Variants in RGPD4 observed in about 807,000 individuals in gnomAD.
The protein encoded by RGPD4 is ranBP2-like and GRIP domain-containing protein 4.
A neutral mutation model predicts 141.1 loss-of-function variants in RGPD4; 84 were observed. The ratio of observed to expected loss-of-function variants is 0.60; its 90% CI spans 0.50 to 0.71. The LOEUF (loss-of-function observed/expected upper bound fraction) is 0.71. Ranked by LOEUF, RGPD4 falls within the 30% of genes least tolerant of loss-of-function variation. The pLI, the probability that RGPD4 is intolerant of heterozygous loss-of-function variation, is 0.00. For missense variants in RGPD4, 918 were observed against 1,622.4 expected, an observed-to-expected ratio of 0.57 and a Z score of 7.46; for synonymous variants, 298 against 566.8, an observed-to-expected ratio of 0.53 and a Z score of 6.74.
chr2:107,846,287 C>T (rs1311595333), intron 6 of RGPD4, among the ~76,000 whole-genome samples: 1 of 151,116 alleles, frequency 6.6e-6, no homozygotes, highest in Non-Finnish European at 1.5e-5. Context: ...TGGAAGGTCT[C>T]AATCTCTTGA....
At chr2:107,858,418 C>A (rs1276221220) in intron 9 of RGPD4, among the ~76,000 whole-genome samples, 6 of 151,310 alleles carry the variant, frequency 4.0e-5, no homozygotes, top group Non-Finnish European at 7.4e-5. Context: ...CTTTTCTTTT[C>A]TTTTCTTTTC....
intron 20 of RGPD4, among the ~76,000 whole-genome samples, chr2:107,873,574 C>CAAAAAA (rs3053241): frequency 8.0e-6 from 1 of 125,422 alleles, no homozygotes. Flanking sequence ...ACTTTGTCTC[C>CAAAAAA]AAAAAAAAAA....
At position 107,877,821 on chromosome 2, in the gene RGPD4, T is replaced by C. The variant is rs139668835; in HGVS notation, c.4925-2147T>C. Among the ~76,000 whole-genome samples the C allele has an allele frequency of 6.4e-3, 979 of 151,826 alleles. 4 individuals are homozygous for C. Among genetic ancestry groups the C allele is most frequent in the Non-Finnish European group, 0.01 (698 of 67,962 alleles). On this transcript the variant is annotated intron_variant, in intron 20 of 22. Coordinates refer to ENST00000408999, the MANE Select transcript of RGPD4 (RefSeq NM_182588.3). Reference sequence around the variant, plus strand: ...TGATGACTAAGGTTTTTTTTGTTTGTTTTTTTGTTTTGAGCTGGAATCTCG... The same window carrying C: ...TGATGACTAAGGTTTTTTTTGTTTGCTTTTTTGTTTTGAGCTGGAATCTCG...
chr2:107,885,538 G>T (rs949001341), intron 22 of RGPD4, among the ~76,000 whole-genome samples: 1 of 152,088 alleles, frequency 6.6e-6, no homozygotes, highest in East Asian at 1.9e-4. Context: ...TATTTTTAAA[G>T]AATTTCATAG....
At chr2:107,867,134 GAGCCGAGATTCACACTCC>G (rs2104479352) in intron 18 of RGPD4, among the ~76,000 whole-genome samples, 1 of 145,292 alleles carries the variant, frequency 6.9e-6, no homozygotes, top group South Asian at 2.3e-4. Flanking sequence ...GTTATTGATA[GAGCCGAGATTCACACTCC>G]AGTGGTGTAA....
chr2:107,857,386 G>A (rs1376947646), intron 9 of RGPD4, among the ~76,000 whole-genome samples: 2 of 150,298 alleles, frequency 1.3e-5, no homozygotes, highest in Non-Finnish European at 3.0e-5. Context: ...TGATCCACCT[G>A]CCTTGGCCTC....
chr2:107,834,529 A>G lies in RGPD4; in HGVS notation c.73-2073A>G, dbSNP rs1038085272. ...CATATTCATGCTGTATGTGCTCCCC[A>G]CCCGCTAGTTACATACTAGCCACCT... On this transcript the variant is annotated intron_variant, in intron 1 of 22. Transcript: ENST00000408999. Among the ~76,000 whole-genome samples the G allele has an allele frequency of 2.8e-3, 429 of 152,156 alleles. 5 individuals are homozygous for G. The highest frequency in any genetic ancestry group is 9.4e-3 in the African/African-American group (389 of 41,458).
In RGPD4 at chr2:107,880,108, G is replaced by A. The variant is rs543163445; in HGVS notation, c.5064+1G>A. ...TGCAGTCCTTATGGAGCAAATTAAG[G>A]TGAGATCAGAAAACCTGGCCACCAT... On this transcript the variant is annotated splice_donor_variant, in intron 21 of 22. Coordinates refer to ENST00000408999, the MANE Select transcript of RGPD4 (RefSeq NM_182588.3). LOFTEE classifies it high-confidence loss of function. 34 of 1,611,428 alleles carry A rather than the reference G, an allele frequency of 2.1e-5. No homozygotes were observed. The Admixed American group carries it at 4.5e-4, about 21-fold the overall frequency.
At chr2:107,827,878 A>G (rs867549964) in intron 1 of RGPD4, among the ~76,000 whole-genome samples, 3 of 10,626 alleles carry the variant, frequency 2.8e-4, no homozygotes, top group East Asian at 7.7e-4. Flanking sequence ...CTGTTGAGGC[A>G]GCGGCCTCGA....
chr2:107,880,809 T>A (rs832351), intron 21 of RGPD4, among the ~76,000 whole-genome samples: 91,135 of 143,442 alleles, frequency 0.64, 29,843 homozygotes, highest in Middle Eastern at 0.74. Flanking sequence ...GCATGGGAAG[T>A]TTTTCCTGTT....
In RGPD4 at chr2:107,869,149, G is replaced by C. The variant is rs1310724343; in HGVS notation, c.2606-734G>C. On this transcript the variant is annotated intron_variant, in intron 18 of 22. Coordinates refer to ENST00000408999, the MANE Select transcript of RGPD4 (RefSeq NM_182588.3). ...CAATTGTTTGGAACCTCTTGGCACAGTTTCTGTTTCTTCTTCCATGTACAG... is the reference window on the plus strand; with the variant it reads ...CAATTGTTTGGAACCTCTTGGCACACTTTCTGTTTCTTCTTCCATGTACAG... Among the ~76,000 whole-genome samples, 22 of 66,594 alleles carry C rather than the reference G, an allele frequency of 3.3e-4. 10 individuals carry two copies. The highest frequency in any genetic ancestry group is 5.2e-4 in the Non-Finnish European group (16 of 30,494). 43.7% of individuals were successfully genotyped at this position (66,594 alleles called of 152,430 possible).
In RGPD4 at chr2:107,872,089, C is replaced by G. The variant is rs755339093; in HGVS notation, c.4085C>G (p.Ala1362Gly). 8.7e-6 allele frequency: 14 copies of G among 1,611,096 alleles called. No individual in the cohort carries two copies. In the South Asian group the frequency reaches 1.2e-4, roughly 14 times the overall value. ...GAAAAAGTTGTTTTTAGTCACAGGG[C>G]AGAACTCTACAGATATGATAAAGAT... is the stretch of plus-strand genomic sequence containing the variant. ...ENEKVVFSHRAELYRYDKDVG... is the reference protein window; with the variant it reads ...ENEKVVFSHRGELYRYDKDVG... The change falls in exon 20 of 23, where the codon GCA becomes GGA. Residue 1362 changes from alanine to glycine, a missense_variant. Coordinates refer to ENST00000408999, the MANE Select transcript of RGPD4 (RefSeq NM_182588.3).
chr2:107,874,893 C>G (rs1277564420), intron 20 of RGPD4, among the ~76,000 whole-genome samples: 1 of 150,604 alleles, frequency 6.6e-6, no homozygotes, highest in Non-Finnish European at 1.5e-5. Context: ...GGAAATGATA[C>G]TAAGTTTTTG....
rs879216576 is a variant in RGPD4 at position 107,833,291 on chromosome 2, G to A, written c.73-3311G>A. Among the ~76,000 whole-genome samples, 644 of 152,194 alleles carry A rather than the reference G, an allele frequency of 4.2e-3. 3 individuals carry two copies. Among genetic ancestry groups the A allele is most frequent in the African/African-American group, 0.014 (594 of 41,534 alleles). On this transcript the variant is annotated intron_variant, in intron 1 of 22. Transcript: ENST00000408999. Reference sequence around the variant, plus strand: ...CATAATGAAAAAGTAGGCCACAAATGTTAAGTTTTGGACAATTACAATTAC... The same window carrying A: ...CATAATGAAAAAGTAGGCCACAAATATTAAGTTTTGGACAATTACAATTAC...
intron 1 of RGPD4, 71 bp downstream of exon 1, chr2:107,827,156 GCGGCCT>G: frequency 1.8e-6 from 1 of 548,892 alleles, no homozygotes; most frequent in Non-Finnish European, 2.4e-6. Context: ...TGGCCCGGCG[GCGGCCT>G]CGATGGCTCA....
intron 8 of RGPD4, 128 bp downstream of exon 8, chr2:107,854,771 T>C: frequency 1.6e-6 from 2 of 1,238,930 alleles, no homozygotes; most frequent in Non-Finnish European, 2.2e-6. Context: ...GCCGTATCAG[T>C]TAAGAGCAAT....
intron 1 of RGPD4, among the ~76,000 whole-genome samples, chr2:107,833,445 A>T (rs957738586): frequency 6.2e-4 from 94 of 151,020 alleles, no homozygotes; most frequent in Middle Eastern, 3.4e-3. Context: ...GCTTATAGTG[A>T]CATCTGCTGT....
rs1681530060 is a variant in RGPD4, at chr2:107,832,590, GC to G, written c.73-4010del. ...CTGAGTAGTGGGATTACAGGTGTGCGCCAGCATGCCTGGCTAATTTTTTCTA... is the reference window on the plus strand; with the variant it reads ...CTGAGTAGTGGGATTACAGGTGTGCGCAGCATGCCTGGCTAATTTTTTCTA... On this transcript the variant is annotated intron_variant, in intron 1 of 22. Coordinates refer to ENST00000408999, the MANE Select transcript of RGPD4 (RefSeq NM_182588.3). 2.8e-5 allele frequency among the ~76,000 whole-genome samples: 2 copies of G among 72,372 alleles called. 1 individual carries two copies. The highest frequency in any genetic ancestry group is 2.1e-4 in the Admixed American group (2 of 9,582). 47.5% of individuals were successfully genotyped at this position (72,372 alleles called of 152,430 possible).
At position 107,862,784 on chromosome 2, in the gene RGPD4, C is replaced by T. The variant is rs760914343; in HGVS notation, c.2308C>T (p.Arg770Ter). The part of the protein sequence containing the change: ...GDPLYKNGSL[R>*]NADSEIKHST... ...TCCTCTCTATAAAAATGGTTCTTTG[C>T]GAAATGCGGATTCAGAAATAAAACA... Residue 770 changes from arginine to a stop codon, truncating the protein, a stop_gained, in exon 16 of 23, where the codon CGA becomes TGA. Transcript: ENST00000408999. LOFTEE classifies it high-confidence loss of function. 63 of 1,162,578 alleles carry T rather than the reference C, an allele frequency of 5.4e-5. 8 individuals carry two copies. In the Admixed American group the frequency reaches 6.9e-4, roughly 13 times the overall value. The allele number at this position is 1,162,578 out of a possible 1,614,324, so 72.0% of individuals were successfully genotyped here.
Sources: allele counts gnomAD v4.1 joint callset (sites outside exome capture counted in the v4.1 genomes callset), GRCh38; gene constraint gnomAD v4.1.1; transcripts MANE v1.5; gene names NCBI Gene and HGNC (gene_info 2026-07-23, HGNC 2026-07-21).